HSF5: variants seen among roughly 807,000 people sequenced by gnomAD.
HSF5 encodes heat shock transcription factor 5, also known as heat shock factor protein 5.
Under a neutral mutation model 50.8 loss-of-function variants are expected in HSF5, and 5 were observed. The ratio of observed to expected loss-of-function variants is 0.10; its 90% CI spans 0.05 to 0.21. The LOEUF (loss-of-function observed/expected upper bound fraction) is 0.21, where lower values mean the gene tolerates loss of function less well. Among genes scored for constraint, HSF5 ranks in the 10% least tolerant of loss-of-function variants. The pLI is 1.00. For missense variants in HSF5, 564 were observed against 762.6 expected (o/e 0.74, Z 3.07); for synonymous variants, 307 against 307.4 (o/e 1.00, Z 0.02).
intron 4 of HSF5, among the ~76,000 whole-genome samples, chr17:58,459,522 C>T (rs1411479955): frequency 2.0e-5 from 3 of 151,648 alleles, no homozygotes; most frequent in African/African-American, 7.3e-5. Context: ...TAGCAGGTGC[C>T]TGTAATCCCA....
chr17:58,434,914 G>A (rs929540837), intron 5 of HSF5, among the ~76,000 whole-genome samples: 5 of 152,208 alleles, frequency 3.3e-5, no homozygotes, highest in African/African-American at 1.2e-4. Context: ...ATAGCAGTAG[G>A]TCCTAAGTCT....
intron 5 of HSF5, among the ~76,000 whole-genome samples, chr17:58,435,489 G>A (rs1173791048): frequency 6.6e-6 from 1 of 152,220 alleles, no homozygotes; most frequent in East Asian, 1.9e-4. Context: ...GGAGGTTGCA[G>A]TGAGTCGAGA....
chr17:58,460,506 C>T (rs1974777666), intron 4 of HSF5, among the ~76,000 whole-genome samples: 1 of 128,296 alleles, frequency 7.8e-6, no homozygotes, highest in Admixed American at 7.9e-5. Context: ...CACACACACA[C>T]ACACATACTT....
intron 5 of HSF5, among the ~76,000 whole-genome samples, chr17:58,440,159 G>T (rs1713308402): frequency 6.6e-6 from 1 of 152,188 alleles, no homozygotes; most frequent in African/African-American, 2.4e-5. Context: ...TGAGAGTGGG[G>T]ATCCAGAGAG....
chr17:58,473,769 A>T (rs1225606382), intron 2 of HSF5, among the ~76,000 whole-genome samples: 1 of 152,196 alleles, frequency 6.6e-6, no homozygotes, highest in African/African-American at 2.4e-5. Context: ...TCAATGTTTG[A>T]CTTTACTAAA....
intron 5 of HSF5, among the ~76,000 whole-genome samples, chr17:58,424,219 A>G (rs1484572624): frequency 6.6e-6 from 1 of 152,202 alleles, no homozygotes; most frequent in Non-Finnish European, 1.5e-5. Flanking sequence ...ATTATTCACA[A>G]TAGGCAAAAG....
chr17:58,464,475 CTG>C (rs1378231828), intron 3 of HSF5, among the ~76,000 whole-genome samples: 1 of 152,228 alleles, frequency 6.6e-6, no homozygotes, highest in African/African-American at 2.4e-5. Context: ...AATGTACTGA[CTG>C]TGCACGCACA....
At chr17:58,430,911 CT>C (rs1974356290) in intron 5 of HSF5, among the ~76,000 whole-genome samples, 1 of 152,196 alleles carries the variant, frequency 6.6e-6, no homozygotes, top group African/African-American at 2.4e-5. Context: ...TTACACAAAC[CT>C]AGATGGTATA....
intron 5 of HSF5, among the ~76,000 whole-genome samples, chr17:58,456,131 G>A (rs868431707): frequency 2.5e-4 from 34 of 137,638 alleles, no homozygotes; most frequent in African/African-American, 8.7e-4. Context: ...ATATATATAT[G>A]TGTGTGTGTA....
At chr17:58,446,485 A>T (rs1974564389) in intron 5 of HSF5, among the ~76,000 whole-genome samples, 1 of 152,218 alleles carries the variant, frequency 6.6e-6, no homozygotes, top group Non-Finnish European at 1.5e-5. Flanking sequence ...AGCAAAATAC[A>T]GCAAGGGGCA....
chr17:58,437,411 A>G (rs931640389), intron 5 of HSF5, among the ~76,000 whole-genome samples: 3 of 152,208 alleles, frequency 2.0e-5, no homozygotes, highest in African/African-American at 7.2e-5. Context: ...TCAAGTATTT[A>G]AACTACTTTT....
chr17:58,462,909 T>C lies in HSF5; in HGVS notation c.1415A>G (p.Asn472Ser). The change falls in exon 4 of 6, where the codon AAT becomes AGT. Residue 472 changes from asparagine to serine, a missense_variant. Coordinates refer to ENST00000323777, the MANE Select transcript of HSF5 (RefSeq NM_001080439.3). ...GGCTGCAGATTCCTGTATTGTGCTA[T>C]TTTCAACAGGCTGAGCTGTGTGGAT... ...YTIHTAQPVENSTIQESAAIQ... is the reference protein window; with the variant it reads ...YTIHTAQPVESSTIQESAAIQ... The C allele has an allele frequency of 1.2e-6, 2 of 1,614,222 alleles. No individual in the cohort carries two copies. Among genetic ancestry groups the C allele is most frequent in the African/African-American group, 1.3e-5 (1 of 75,058 alleles).
intron 5 of HSF5, among the ~76,000 whole-genome samples, chr17:58,436,386 C>T (rs750677088): frequency 8.0e-5 from 12 of 150,816 alleles, no homozygotes; most frequent in Non-Finnish European, 1.5e-4. Flanking sequence ...TTAATCATAA[C>T]TCATTTTCCT....
rs1402674341 is a variant in HSF5 at position 58,422,326 on chromosome 17, G to C, written c.*34C>G. ...CAAGGCTAGTCTGCCTCCAGCTACAGCTAGTGCACAATGTCACATTTGTCA... is the reference window on the plus strand; with the variant it reads ...CAAGGCTAGTCTGCCTCCAGCTACACCTAGTGCACAATGTCACATTTGTCA... On this transcript the variant is annotated 3_prime_UTR_variant, in exon 6 of 6. Transcript: ENST00000323777. The C allele has an allele frequency of 6.7e-7, 1 of 1,492,816 alleles. No homozygotes were observed. The highest frequency in any genetic ancestry group is 9.3e-7 in the Non-Finnish European group (1 of 1,070,244). The allele number at this position is 1,492,816 out of a possible 1,614,324, so 92.5% of individuals were successfully genotyped here.
At chr17:58,461,413 CA>C (rs972714141) in intron 4 of HSF5, among the ~76,000 whole-genome samples, 2 of 151,376 alleles carry the variant, frequency 1.3e-5, no homozygotes, top group Non-Finnish European at 2.9e-5. Flanking sequence ...CTGCAAAAAA[CA>C]AAAACCTGCC....
chr17:58,435,749 A>G (rs1361872583), intron 5 of HSF5, among the ~76,000 whole-genome samples: 1 of 151,852 alleles, frequency 6.6e-6, no homozygotes, highest in Non-Finnish European at 1.5e-5. Flanking sequence ...TATACAAAAA[A>G]TTAGCCGGGC....
intron 4 of HSF5, among the ~76,000 whole-genome samples, chr17:58,459,797 T>C (rs758407264): frequency 2.6e-5 from 4 of 151,948 alleles, no homozygotes; most frequent in Non-Finnish European, 4.4e-5. Flanking sequence ...AAAAGTAAGA[T>C]AGTTTCACCA....
rs1430252196 is a variant in HSF5 at position 58,421,630 on chromosome 17, T to C, written c.*730A>G. ...TCTTTAAAGACATTTAAATAAGTGA[T>C]ATATTAATAAAATCTTTTTACCATT... On this transcript the variant is annotated 3_prime_UTR_variant, in exon 6 of 6. Transcript: ENST00000323777. 6.6e-6 allele frequency: 1 copy of C among 152,376 alleles called. No individual in the cohort carries two copies. 9.4% of individuals were successfully genotyped at this position (152,376 alleles called of 1,614,324 possible). A position where few individuals can be genotyped will look rare whatever the true frequency, so the allele number is the denominator to read the frequency against.
At position 58,456,153 on chromosome 17, in the gene HSF5, G is replaced by A. The variant is rs575809563; in HGVS notation, c.1720+2615C>T. Among the ~76,000 whole-genome samples, 77 of 113,784 alleles carry A rather than the reference G, an allele frequency of 6.8e-4. No individual in the cohort carries two copies. In the East Asian group the frequency reaches 7.9e-3, roughly 12 times the overall value. 74.6% of individuals were successfully genotyped at this position (113,784 alleles called of 152,430 possible). ...TATGTGTGTGTGTATATATATATAT[G>A]TGTGTGTGTATATACACACACACAC... On this transcript the variant is annotated intron_variant, in intron 5 of 5. Coordinates refer to ENST00000323777, the MANE Select transcript of HSF5 (RefSeq NM_001080439.3).
Sources: gnomAD v4.1 joint callset for allele counts (sites outside exome capture counted in the v4.1 genomes callset) on GRCh38, gnomAD v4.1.1 for gene constraint, MANE v1.5 for transcripts, NCBI Gene and HGNC (gene_info 2026-07-23, HGNC 2026-07-21) for gene names.